Variants in PTPRN2 observed in about 807,000 individuals in gnomAD.
PTPRN2 encodes receptor-type tyrosine-protein phosphatase N2.
A neutral mutation model predicts 118.8 loss-of-function variants in PTPRN2; 74 were observed. The ratio of observed to expected loss-of-function variants is 0.62; its 90% CI spans 0.52 to 0.76. The LOEUF (loss-of-function observed/expected upper bound fraction) is 0.76, where lower values mean the gene tolerates loss of function less well. PTPRN2 is among the 30% of genes least tolerant of loss of function. PTPRN2 has a pLI of 0.00. For missense variants in PTPRN2, 1,481 were observed against 1,394.4 expected (o/e 1.06, Z -0.99); for synonymous variants, 641 against 608.0 (o/e 1.05, Z -0.80).
chr7:157,688,247 C>T (rs10250971), intron 12 of PTPRN2, among the ~76,000 whole-genome samples: 48,928 of 152,124 alleles, frequency 0.32, 8,157 homozygotes, highest in Admixed American at 0.37. Context: ...ACAAGAAAGG[C>T]AATAAATTGT....
At chr7:158,474,309 C>A (rs1309997558) in intron 2 of PTPRN2, among the ~76,000 whole-genome samples, 2 of 152,218 alleles carry the variant, frequency 1.3e-5, no homozygotes, top group Non-Finnish European at 2.9e-5. Flanking sequence ...GAAAACACTG[C>A]GTGTAACTGG....
rs1796421797 is a variant in PTPRN2, at chr7:157,671,663, T to C, written c.2001+11062A>G. Reference sequence around the variant, plus strand: ...TTAAGCCAAAGGAAGGGCAGGGGCATGCGGGCTGGGGGCGGAGCGGCTACT... The same window carrying C: ...TTAAGCCAAAGGAAGGGCAGGGGCACGCGGGCTGGGGGCGGAGCGGCTACT... On this transcript the variant is annotated intron_variant, in intron 13 of 22. Coordinates refer to ENST00000389418, the MANE Select transcript of PTPRN2 (RefSeq NM_002847.5). This position sits in a 1 kb window ranked among gnomAD's most constrained non-coding sequence, Gnocchi z 4.1. Among the ~76,000 whole-genome samples the C allele has an allele frequency of 6.6e-6, 1 of 152,068 alleles. No individual in the cohort carries two copies. The highest frequency in any genetic ancestry group is 1.5e-5 in the Non-Finnish European group (1 of 67,990).
intron 12 of PTPRN2, among the ~76,000 whole-genome samples, chr7:157,833,238 G>A (rs915961099): frequency 1.9e-4 from 28 of 149,148 alleles, no homozygotes; most frequent in African/African-American, 7.0e-4. Flanking sequence ...TGTGGCCGGT[G>A]CCCATCTATC....
At chr7:158,334,659 G>A (rs879940079) in intron 2 of PTPRN2, among the ~76,000 whole-genome samples, 11,516 of 31,074 alleles carry the variant, frequency 0.37, 28 homozygotes, top group Non-Finnish European at 0.41. Context: ...CATAATTGGT[G>A]ACACCTGCAG....
chr7:157,942,750 T>C (rs67321794), intron 11 of PTPRN2, among the ~76,000 whole-genome samples: 82,941 of 151,810 alleles, frequency 0.55, 24,116 homozygotes, highest in African/African-American at 0.74. Context: ...CCACCTTTTC[T>C]AGGAAGGAGG....
chr7:158,410,108 CCA>C (rs1813918798), intron 2 of PTPRN2, among the ~76,000 whole-genome samples: 1 of 152,192 alleles, frequency 6.6e-6, no homozygotes, highest in African/African-American at 2.4e-5. Flanking sequence ...CGGGTGACCT[CCA>C]CAGTCTCTGG....
chr7:157,940,448 T>C (rs67299099), intron 11 of PTPRN2, among the ~76,000 whole-genome samples: 58,347 of 151,136 alleles, frequency 0.39, 13,430 homozygotes, highest in East Asian at 0.63. Flanking sequence ...TGCCCTCCCC[T>C]GTGACACTGC....
At chr7:158,532,512 A>G (rs1825323082) in intron 1 of PTPRN2, among the ~76,000 whole-genome samples, 1 of 152,150 alleles carries the variant, frequency 6.6e-6, no homozygotes, top group Non-Finnish European at 1.5e-5. Flanking sequence ...ATGCCTCCAC[A>G]CTGGAAGTTG....
intron 5 of PTPRN2, among the ~76,000 whole-genome samples, chr7:158,174,869 G>A (rs1824042921): frequency 6.6e-6 from 1 of 152,120 alleles, no homozygotes. Flanking sequence ...CACTGCTGAG[G>A]AAGTGACTCT....
At chr7:158,459,090 G>C (rs1229457694) in intron 2 of PTPRN2, among the ~76,000 whole-genome samples, 1 of 152,190 alleles carries the variant, frequency 6.6e-6, no homozygotes, top group African/African-American at 2.4e-5. Context: ...GGCTGGACTT[G>C]CTGCACACAC....
At chr7:157,759,349 G>C (rs959199217) in intron 12 of PTPRN2, among the ~76,000 whole-genome samples, 1 of 152,240 alleles carries the variant, frequency 6.6e-6, no homozygotes, top group African/African-American at 2.4e-5. Context: ...CGATGTTCCT[G>C]AGGAGCTGGG....
chr7:158,161,805 T>TG (rs35174387), intron 6 of PTPRN2, among the ~76,000 whole-genome samples: 94,933 of 151,594 alleles, frequency 0.63, 30,734 homozygotes, highest in East Asian at 0.84. Flanking sequence ...AGCCACAGAC[T>TG]GGAGAAAATG....
At chr7:158,482,241 G>C (rs1398516412) in intron 2 of PTPRN2, among the ~76,000 whole-genome samples, 1 of 152,234 alleles carries the variant, frequency 6.6e-6, no homozygotes, top group Non-Finnish European at 1.5e-5. Flanking sequence ...TGATAAGGCA[G>C]TGGCAGGGGT....
At chr7:158,439,884 C>A (rs187282831) in intron 2 of PTPRN2, among the ~76,000 whole-genome samples, 3 of 152,154 alleles carry the variant, frequency 2.0e-5, no homozygotes, top group African/African-American at 7.2e-5. Context: ...AATTTTGCAA[C>A]GTGGAAATAC....
chr7:158,172,127 G>A (rs998579630), intron 5 of PTPRN2, among the ~76,000 whole-genome samples: 4 of 152,014 alleles, frequency 2.6e-5, no homozygotes, highest in African/African-American at 7.3e-5. Context: ...GAACCCACTC[G>A]CCCACACACT....
chr7:157,645,622 T>C (rs1805015972), intron 14 of PTPRN2, among the ~76,000 whole-genome samples: 2 of 152,174 alleles, frequency 1.3e-5, no homozygotes, highest in South Asian at 2.1e-4. Flanking sequence ...GGAGAACATA[T>C]GGCTGTTAGG....
At chr7:158,576,702 G>C (rs1828341100) in intron 1 of PTPRN2, among the ~76,000 whole-genome samples, 2 of 152,164 alleles carry the variant, frequency 1.3e-5, no homozygotes, top group African/African-American at 2.4e-5. Context: ...CTGGCTCCCA[G>C]TCCTGCCCGA....
chr7:157,976,111 G>A (rs979874860), intron 11 of PTPRN2, among the ~76,000 whole-genome samples: 15 of 152,244 alleles, frequency 9.9e-5, no homozygotes, highest in African/African-American at 3.4e-4. Flanking sequence ...AGCCACCCCA[G>A]CTCAGATGTC....
chr7:157,728,417 C>A (rs921602169), intron 12 of PTPRN2, among the ~76,000 whole-genome samples: 1 of 152,230 alleles, frequency 6.6e-6, no homozygotes, highest in Non-Finnish European at 1.5e-5. Flanking sequence ...GGGCTCCTGG[C>A]GCCCATGGCG....
Sources: gnomAD v4.1 joint callset for allele counts (sites outside exome capture counted in the v4.1 genomes callset) on GRCh38, gnomAD v4.1.1 for gene constraint, Gnocchi (gnomAD v3.1) non-coding constraint, MANE v1.5 for transcripts, NCBI Gene and HGNC (gene_info 2026-07-23, HGNC 2026-07-21) for gene names.